Variants in MEIKIN observed in about 807,000 individuals in gnomAD.
The protein encoded by MEIKIN is meiotic kinetochore factor, also known as meiosis-specific kinetochore protein.
At chr5:131,889,923 G>T (rs193114685) in intron 8 of MEIKIN, among the ~76,000 whole-genome samples, 4 of 152,066 alleles carry the variant, frequency 2.6e-5, no homozygotes, top group East Asian at 1.9e-4. Flanking sequence ...TAGCAAGAAG[G>T]GTTGTTGAAT....
chr5:131,834,253 G>A (rs553802785), intron 11 of MEIKIN, among the ~76,000 whole-genome samples: 3 of 152,214 alleles, frequency 2.0e-5, no homozygotes, highest in East Asian at 1.9e-4. Context: ...CAAGGTGTAC[G>A]TGATTTGATA....
At chr5:131,842,459 T>G (rs577409354) in intron 11 of MEIKIN, among the ~76,000 whole-genome samples, 81 of 152,310 alleles carry the variant, frequency 5.3e-4, no homozygotes, top group African/African-American at 1.7e-3. Context: ...CTTTATTGTG[T>G]TGAGGTACAT....
At chr5:131,857,085 C>T (rs1750208533) in intron 9 of MEIKIN, among the ~76,000 whole-genome samples, 1 of 151,694 alleles carries the variant, frequency 6.6e-6, no homozygotes, top group African/African-American at 2.4e-5. Flanking sequence ...TAAAAGCAGA[C>T]CTATAGTGGG....
chr5:131,810,239 C>T (rs1334497526), intron 12 of MEIKIN, among the ~76,000 whole-genome samples: 3 of 152,096 alleles, frequency 2.0e-5, no homozygotes, highest in Non-Finnish European at 2.9e-5. Context: ...ACATATGCAT[C>T]CAGTTAAAGG....
At chr5:131,891,912 T>A (rs533512910) in intron 8 of MEIKIN, among the ~76,000 whole-genome samples, 1 of 152,296 alleles carries the variant, frequency 6.6e-6, no homozygotes, top group South Asian at 2.1e-4. Context: ...GCAGTCCTGG[T>A]GGTGACAACA....
chr5:131,824,423 G>C (rs972469908), intron 11 of MEIKIN, among the ~76,000 whole-genome samples: 1 of 151,938 alleles, frequency 6.6e-6, no homozygotes, highest in Admixed American at 6.6e-5. Flanking sequence ...AGGAGGCTGA[G>C]AGAGGAGAAT....
chr5:131,849,202 A>G (rs995662816), intron 11 of MEIKIN, among the ~76,000 whole-genome samples: 1 of 151,894 alleles, frequency 6.6e-6, no homozygotes, highest in African/African-American at 2.4e-5. Flanking sequence ...GTGGTCCCCA[A>G]TTGTTTAGCA....
chr5:131,884,004 A>C (rs574896694), intron 8 of MEIKIN, among the ~76,000 whole-genome samples: 3 of 152,318 alleles, frequency 2.0e-5, no homozygotes, highest in African/African-American at 7.2e-5. Context: ...GCCCATTCCA[A>C]CAGTCAGAAC....
intron 9 of MEIKIN, among the ~76,000 whole-genome samples, chr5:131,874,132 A>C (rs1356920540): frequency 1.3e-5 from 2 of 152,226 alleles, no homozygotes; most frequent in Non-Finnish European, 2.9e-5. Context: ...GAAGGCAAGA[A>C]ATAACTAAGA....
At chr5:131,942,488 A>G in intron 4 of MEIKIN, 147 bp downstream of exon 4, 1 of 385,570 alleles carries the variant, frequency 2.6e-6, no homozygotes, top group Non-Finnish European at 4.6e-6. Flanking sequence ...TAAGGATGAG[A>G]TCTATAGCAC....
At chr5:131,931,940 G>A (rs1751699358) in intron 5 of MEIKIN, among the ~76,000 whole-genome samples, 1 of 152,158 alleles carries the variant, frequency 6.6e-6, no homozygotes, top group African/African-American at 2.4e-5. Context: ...AAGGCTAAGT[G>A]GTATCCCTAT....
intron 11 of MEIKIN, among the ~76,000 whole-genome samples, chr5:131,823,323 G>C (rs1461743390): frequency 1.3e-5 from 2 of 151,890 alleles, no homozygotes; most frequent in East Asian, 1.9e-4. Flanking sequence ...AATAACTCTT[G>C]GGTTTGCCCT....
In MEIKIN at chr5:131,878,703, T is replaced by C. The variant is rs183308682; in HGVS notation, c.774+275A>G. 2.4e-3 allele frequency among the ~76,000 whole-genome samples: 362 copies of C among 151,998 alleles called. 1 individual carries two copies. The highest frequency in any genetic ancestry group is 3.4e-3 in the Middle Eastern group (1 of 294). ...TGGACAACTAGTGATACCCCATCTT[T>C]ACAAAAAAAATTTAAAAATTAGCTT... is the stretch of plus-strand genomic sequence containing the variant. On this transcript the variant is annotated intron_variant, in intron 9 of 12. Coordinates refer to ENST00000442687, the MANE Select transcript of MEIKIN (RefSeq NM_001303622.2).
chr5:131,893,928 T>G (rs1329629705), intron 8 of MEIKIN, among the ~76,000 whole-genome samples: 2 of 152,198 alleles, frequency 1.3e-5, no homozygotes, highest in Admixed American at 1.3e-4. Flanking sequence ...CTATTTTTGT[T>G]TTTGTTGCCA....
intron 11 of MEIKIN, among the ~76,000 whole-genome samples, chr5:131,847,716 C>G (rs968762004): frequency 6.6e-6 from 1 of 151,478 alleles, no homozygotes; most frequent in Non-Finnish European, 1.5e-5. Flanking sequence ...CAAATAACAG[C>G]ATATATATTC....
At chr5:131,846,245 A>G (rs1276238751) in intron 11 of MEIKIN, among the ~76,000 whole-genome samples, 1 of 152,228 alleles carries the variant, frequency 6.6e-6, no homozygotes, top group Non-Finnish European at 1.5e-5. Flanking sequence ...GGTAGTTACC[A>G]CTAGATTTGC....
At chr5:131,808,807 G>A (rs1314678199) in intron 12 of MEIKIN, among the ~76,000 whole-genome samples, 1 of 152,172 alleles carries the variant, frequency 6.6e-6, no homozygotes, top group Non-Finnish European at 1.5e-5. Context: ...CAAGTGTGGT[G>A]TCTCATGCTT....
At chr5:131,827,987 C>T (rs1199291112) in intron 11 of MEIKIN, among the ~76,000 whole-genome samples, 1 of 150,970 alleles carries the variant, frequency 6.6e-6, no homozygotes, top group East Asian at 1.9e-4. Flanking sequence ...AGTTTGAGGC[C>T]GTGAACATGC....
rs867654234 is a variant in MEIKIN, at chr5:131,846,664, T to C, written c.975+4600A>G. Among the ~76,000 whole-genome samples, 21 of 152,130 alleles carry C rather than the reference T, an allele frequency of 1.4e-4. 1 individual carries two copies. The Middle Eastern group carries it at 0.027, about 198-fold the overall frequency. The stretch of plus-strand genomic sequence containing the variant: ...GACAAAACCCTGTCTCTACAAAAAA[T>C]ACAAAAATTAGCTGGACGTGGTTGT... On this transcript the variant is annotated intron_variant, in intron 11 of 12. Coordinates refer to ENST00000442687, the MANE Select transcript of MEIKIN (RefSeq NM_001303622.2).
Sources: allele counts gnomAD v4.1 joint callset (sites outside exome capture counted in the v4.1 genomes callset), GRCh38; gene constraint gnomAD v4.1.1; transcripts MANE v1.5; gene names NCBI Gene and HGNC (gene_info 2026-07-23, HGNC 2026-07-21).